DCC: variants seen among roughly 807,000 people sequenced by gnomAD.
DCC encodes netrin receptor DCC.
DCC carries 58 observed loss-of-function variants against 172.5 expected under a neutral mutation model. The ratio of observed to expected loss-of-function variants is 0.34; its 90% confidence interval spans 0.27 to 0.42. The LOEUF (loss-of-function observed/expected upper bound fraction) is 0.42. Among genes scored for constraint, DCC ranks in the 10% least tolerant of loss-of-function variants. The pLI is 1.00. For missense variants in DCC, 1,740 were observed against 1,791.0 expected, an observed-to-expected ratio of 0.97 and a Z score of 0.51; for synonymous variants, 709 against 644.5, an observed-to-expected ratio of 1.10 and a Z score of -1.52.
At chr18:53,475,350 A>G (rs2045749152) in intron 25 of DCC, among the ~76,000 whole-genome samples, 1 of 152,200 alleles carries the variant, frequency 6.6e-6, no homozygotes, top group South Asian at 2.1e-4. Context: ...GCATGTCAGA[A>G]GTCTTCACAG....
chr18:52,590,189 T>A (rs2033769231), intron 1 of DCC, among the ~76,000 whole-genome samples: 1 of 151,830 alleles, frequency 6.6e-6, no homozygotes, highest in African/African-American at 2.4e-5. Flanking sequence ...GTGTATGCAA[T>A]TATTTTAAAT....
chr18:53,257,709 G>A (rs1389490625), intron 12 of DCC, among the ~76,000 whole-genome samples: 1 of 152,170 alleles, frequency 6.6e-6, no homozygotes, highest in Non-Finnish European at 1.5e-5. Flanking sequence ...TTGGTATCAG[G>A]ATGATGCTGG....
intron 9 of DCC, among the ~76,000 whole-genome samples, chr18:53,196,923 A>C (rs1403276396): frequency 6.6e-6 from 1 of 152,122 alleles, no homozygotes; most frequent in East Asian, 1.9e-4. Context: ...TTATCTCCTA[A>C]CTATGTACAG....
At chr18:52,366,031 C>T (rs1984833697) in intron 1 of DCC, among the ~76,000 whole-genome samples, 1 of 152,132 alleles carries the variant, frequency 6.6e-6, no homozygotes, top group African/African-American at 2.4e-5. Context: ...CTTCTTACAA[C>T]TCTATATATT....
At chr18:53,002,168 T>C (rs557458053) in intron 5 of DCC, among the ~76,000 whole-genome samples, 9 of 152,266 alleles carry the variant, frequency 5.9e-5, no homozygotes, top group African/African-American at 2.2e-4. Flanking sequence ...ACTATGTTTG[T>C]GCTTAAGCCT....
chr18:52,838,990 G>A (rs1401070889), intron 2 of DCC, among the ~76,000 whole-genome samples: 1 of 152,112 alleles, frequency 6.6e-6, no homozygotes, highest in Admixed American at 6.5e-5. Flanking sequence ...TTTTTATTTA[G>A]TAGAAGATAA....
chr18:53,290,101 T>C (rs953126992), intron 12 of DCC, among the ~76,000 whole-genome samples: 1 of 152,354 alleles, frequency 6.6e-6, no homozygotes, highest in African/African-American at 2.4e-5. Flanking sequence ...GCAATTCTAT[T>C]GTCACCTGAA....
intron 1 of DCC, among the ~76,000 whole-genome samples, chr18:52,343,239 T>A (rs963047612): frequency 6.6e-6 from 1 of 152,218 alleles, no homozygotes; most frequent in African/African-American, 2.4e-5. Flanking sequence ...TTTAGGAACA[T>A]GGCAGGAAAC....
In DCC at chr18:52,846,608, A is replaced by AACACACACACACACACACACACAC. The variant is rs71175524; in HGVS notation, c.413-59415_413-59392dup. On this transcript the variant is annotated intron_variant, in intron 2 of 28. Transcript: ENST00000442544. ...TCTATCTCCCCCTTCTGCCACTCCA[A>AACACACACACACACACACACACAC]ACACACACACACACACACACACACA... Among the ~76,000 whole-genome samples the AACACACACACACACACACACACAC allele has an allele frequency of 4.6e-5, 6 of 130,590 alleles. 1 individual carries two copies. The highest frequency in any genetic ancestry group is 2.4e-4 in the Admixed American group (3 of 12,752). The allele number at this position is 130,590 out of a possible 152,430, so 85.7% of individuals were successfully genotyped here.
rs149705157 is a variant in DCC at position 53,301,469 on chromosome 18, T to A, written c.1912-4109T>A. ...AAACAAACAAAAAACCTCTGTGTGC[T>A]TATTTTAAAACTTAATTTAAATATT... On this transcript the variant is annotated intron_variant, in intron 12 of 28. Transcript: ENST00000442544. Among the ~76,000 whole-genome samples the A allele has an allele frequency of 3.0e-3, 455 of 152,304 alleles. 2 individuals carry two copies. The highest frequency in any genetic ancestry group is 0.011 in the African/African-American group (446 of 41,582).
At chr18:52,847,282 C>A (rs2038910192) in intron 2 of DCC, among the ~76,000 whole-genome samples, 1 of 152,110 alleles carries the variant, frequency 6.6e-6, no homozygotes, top group South Asian at 2.1e-4. Flanking sequence ...GTTGGACAAT[C>A]TGTAAAGCAT....
chr18:52,353,346 C>G (rs1984212500), intron 1 of DCC, among the ~76,000 whole-genome samples: 1 of 152,126 alleles, frequency 6.6e-6, no homozygotes, highest in Non-Finnish European at 1.5e-5. Context: ...CCTCCTTCAA[C>G]TCTCTTTCCT....
At chr18:53,452,070 C>T (rs2045421539) in intron 23 of DCC, among the ~76,000 whole-genome samples, 1 of 152,206 alleles carries the variant, frequency 6.6e-6, no homozygotes, top group Non-Finnish European at 1.5e-5. Context: ...GTCATAATCA[C>T]TCACAGAGCT....
At chr18:53,264,716 A>T (rs535154483) in intron 12 of DCC, among the ~76,000 whole-genome samples, 1 of 152,188 alleles carries the variant, frequency 6.6e-6, no homozygotes, top group African/African-American at 2.4e-5. Context: ...ATTGAAAAGT[A>T]GTTGTTAGGT....
At chr18:52,987,282 A>G (rs1457955880) in intron 5 of DCC, among the ~76,000 whole-genome samples, 3 of 152,182 alleles carry the variant, frequency 2.0e-5, no homozygotes, top group Non-Finnish European at 2.9e-5. Context: ...CCCATGCACA[A>G]TGGCTACCAA....
chr18:52,791,808 G>A (rs956244704), intron 2 of DCC, among the ~76,000 whole-genome samples: 1 of 152,104 alleles, frequency 6.6e-6, no homozygotes, highest in Non-Finnish European at 1.5e-5. Context: ...TTAGAGAATG[G>A]TTCCAGTTAA....
At chr18:52,639,489 A>T (rs1239001298) in intron 1 of DCC, among the ~76,000 whole-genome samples, 1 of 152,190 alleles carries the variant, frequency 6.6e-6, no homozygotes, top group East Asian at 1.9e-4. Flanking sequence ...TACAACTGAC[A>T]GCACTGAAAT....
chr18:52,902,711 C>A (rs956632902), intron 2 of DCC, among the ~76,000 whole-genome samples: 2 of 152,098 alleles, frequency 1.3e-5, no homozygotes, highest in African/African-American at 4.8e-5. Flanking sequence ...TGGGTTGTTA[C>A]ACCACCATGA....
chr18:53,435,701 T>A (rs1263127133), intron 22 of DCC, among the ~76,000 whole-genome samples: 3 of 152,198 alleles, frequency 2.0e-5, no homozygotes, highest in African/African-American at 7.2e-5. Context: ...ATTTTCTTTG[T>A]GTTGTCTACA....
Sources: allele counts gnomAD v4.1 joint callset (sites outside exome capture counted in the v4.1 genomes callset), GRCh38; gene constraint gnomAD v4.1.1; transcripts MANE v1.5; gene names NCBI Gene and HGNC (gene_info 2026-07-23, HGNC 2026-07-21).